Variants in CIAO3 observed in about 807,000 individuals in gnomAD.
CIAO3 encodes the protein cytosolic iron-sulfur assembly component 3.
CIAO3 carries 45 observed loss-of-function variants against 51.5 expected under a neutral mutation model. That is an observed-to-expected ratio of 0.87 (90% CI 0.69 to 1.12). The LOEUF (loss-of-function observed/expected upper bound fraction) is 1.12, where lower values mean the gene tolerates loss of function less well. CIAO3 is among the 50% of genes most tolerant of loss of function. CIAO3 has a pLI of 0.00. For missense variants in CIAO3, 668 were observed against 632.5 expected (o/e 1.06, Z -0.60); for synonymous variants, 314 against 269.3 (o/e 1.17, Z -1.63).
In CIAO3 at chr16:736,306, T is replaced by A. The variant is rs546077789; in HGVS notation, c.399A>T (p.Thr133=). The A allele has an allele frequency of 5.0e-6, 8 of 1,612,920 alleles. No homozygotes were observed. In the African/African-American group the frequency reaches 9.3e-5, roughly 19 times the overall value. ...SLAARFQLNP[T]DTARKLTSFF... is the part of the protein sequence containing the mutation. The stretch of plus-strand genomic sequence containing the variant: ...ATGAGGTTAATTTCCTGGCAGTATC[T>A]GTAGGATTCAGCTGAAACCGTGCAG... Residue 133 remains threonine (T), a synonymous_variant, in exon 4 of 11, where the codon ACA becomes ACT. Transcript: ENST00000251588.
At chr16:730,699 G>A (rs1253507852) in intron 10 of CIAO3, 44 bp from the exon 11 acceptor site, 2 of 1,590,992 alleles carry the variant, frequency 1.3e-6, no homozygotes, top group Non-Finnish European at 1.7e-6. Context: ...CTGCGCCCCA[G>A]CCAAGCTTCC....
chr16:733,957 G>A, intron 6 of CIAO3: 1 of 461,952 alleles, frequency 2.2e-6, no homozygotes, highest in South Asian at 2.1e-5. Context: ...GGAGGGGTGG[G>A]CTCCAGGCCC....
chr16:730,708 C>T, intron 10 of CIAO3, 53 bp from the exon 11 acceptor site: 1 of 1,589,398 alleles, frequency 6.3e-7, no homozygotes, highest in Admixed American at 1.7e-5. Context: ...AGCCAAGCTT[C>T]CTGACCACCA....
Position 737,633 on chromosome 16 carries a change from C to G in CIAO3, c.163-304G>C. The G allele has an allele frequency of 7.3e-7, 1 of 1,366,964 alleles. No homozygotes were observed. The highest frequency in any genetic ancestry group is 1.2e-5 in the South Asian group (1 of 81,686). 84.7% of individuals were successfully genotyped at this position (1,366,964 alleles called of 1,614,324 possible). Reference sequence around the variant, plus strand: ...CCCCACTCACCCATGGGGCCCTGGACGGGGTGCTGGCCCCGGTGCACACTC... The same window carrying G: ...CCCCACTCACCCATGGGGCCCTGGAGGGGGTGCTGGCCCCGGTGCACACTC... On this transcript the variant is annotated intron_variant, in intron 2 of 10. Transcript: ENST00000251588. The surrounding 1 kb of genome is among the most constrained non-coding windows in gnomAD (Gnocchi z 5.3).
chr16:734,508 G>A (rs1434554139), intron 5 of CIAO3, 161 bp from the exon 6 acceptor site: 14 of 864,364 alleles, frequency 1.6e-5, no homozygotes, highest in East Asian at 2.6e-5. Context: ...CGCGGAGCTC[G>A]GCGTGCAGGC....
chr16:730,725 A>G, intron 10 of CIAO3, 70 bp from the exon 11 acceptor site: 1 of 1,581,434 alleles, frequency 6.3e-7, no homozygotes, highest in Non-Finnish European at 8.6e-7. Flanking sequence ...ACCAGGGAGC[A>G]GGGAGGTGAC....
intron 10 of CIAO3, 82 bp from the exon 11 acceptor site, chr16:730,737 G>A (rs954297526): frequency 2.3e-5 from 36 of 1,579,090 alleles, no homozygotes; most frequent in African/African-American, 9.4e-5. Context: ...GGAGGTGACC[G>A]GGCCCCCTCT....
At chr16:740,104 C>A (rs1448271790) in intron 1 of CIAO3, 2 of 1,320,008 alleles carry the variant, frequency 1.5e-6, no homozygotes, top group Non-Finnish European at 2.0e-6. Flanking sequence ...GTGCTTGGAT[C>A]TGTTTGGAGA....
chr16:732,484 C>T (rs1449501816), intron 7 of CIAO3, 111 bp from the exon 8 acceptor site: 1 of 1,223,410 alleles, frequency 8.2e-7, no homozygotes, highest in Non-Finnish European at 1.2e-6. Context: ...CCCCAGAAGG[C>T]CCCAAATGTC....
intron 1 of CIAO3, 147 bp downstream of exon 1, chr16:740,773 G>T: frequency 1.4e-6 from 1 of 740,600 alleles, no homozygotes; most frequent in Non-Finnish European, 2.1e-6. Flanking sequence ...CCCCGCGCCC[G>T]GGTCGATAGA....
chr16:731,661 C>G lies in CIAO3; in HGVS notation c.938G>C (p.Gly313Ala). The change falls in exon 9 of 11, where the codon GGA (glycine) becomes GCA (alanine). Residue 313 changes from glycine to alanine, a missense_variant. Physicochemically the swap from Gly to Ala is moderately conservative, Grantham distance 60. Coordinates refer to ENST00000251588, the MANE Select transcript of CIAO3 (RefSeq NM_022493.3). Reference sequence around the variant, plus strand: ...CTCCAGGTAGCCCCCCGAGCCCCCTCCCCGATGGCTGGTGGGCTCCTCTGC... The same window carrying G: ...CTCCAGGTAGCCCCCCGAGCCCCCTGCCCGATGGCTGGTGGGCTCCTCTGC... ...ASAEEPTSHR[G>A]GGSGGYLEHV... The G allele has an allele frequency of 6.4e-7, 1 of 1,557,898 alleles. No homozygotes were observed. The highest frequency in any genetic ancestry group is 1.2e-5 in the South Asian group (1 of 84,770).
At chr16:739,903 CTCTCACCCAGGGATCGG>C (rs2041374730) in intron 1 of CIAO3, 165 bp from the exon 2 acceptor site, 2 of 1,241,610 alleles carry the variant, frequency 1.6e-6, no homozygotes, top group Non-Finnish European at 2.3e-6. Context: ...TGCCCCACTG[CTCTCACCCAGGGATCGG>C]GTTCCCAACA....
In CIAO3 at chr16:729,821, C is replaced by T. The variant is rs1307211601; in HGVS notation, c.*596G>A. On this transcript the variant is annotated 3_prime_UTR_variant, in exon 11 of 11. Transcript: ENST00000251588. Reference sequence around the variant, plus strand: ...CGCTGGGAGACAGGCCTGGTGGGGACCTGGCTGGGGGATGATGCAGCCCGC... The same window carrying T: ...CGCTGGGAGACAGGCCTGGTGGGGATCTGGCTGGGGGATGATGCAGCCCGC... The T allele has an allele frequency of 1.2e-6, 1 of 863,514 alleles. No individual in the cohort carries two copies. Among genetic ancestry groups the T allele is most frequent in the African/African-American group, 1.7e-5 (1 of 57,156 alleles). The allele number at this position is 863,514 out of a possible 1,614,324, so 53.5% of individuals were successfully genotyped here.
chr16:740,065 C>T (rs2041376114), intron 1 of CIAO3: 1 of 1,373,304 alleles, frequency 7.3e-7, no homozygotes, highest in Non-Finnish European at 9.6e-7. Flanking sequence ...CCACAGAGAC[C>T]AGAGTTGCAC....
chr16:733,494 A>T, intron 6 of CIAO3, 67 bp from the exon 7 acceptor site: 1 of 1,604,054 alleles, frequency 6.2e-7, no homozygotes, highest in Non-Finnish European at 8.5e-7. Context: ...GGGACCTGGA[A>T]CTCAGCCATC....
At chr16:734,378 G>T in intron 5 of CIAO3, 31 bp from the exon 6 acceptor site, 1 of 1,518,390 alleles carries the variant, frequency 6.6e-7, no homozygotes, top group South Asian at 1.1e-5. Context: ...CGGGGCTGGC[G>T]GGGGCGCACG....
intron 6 of CIAO3, chr16:733,636 C>A (rs992959602): frequency 1.5e-6 from 1 of 664,612 alleles, no homozygotes; most frequent in African/African-American, 1.8e-5. Flanking sequence ...TGACCCATTC[C>A]CAGTGTGCCT....
At position 730,243 on chromosome 16, in the gene CIAO3, C is replaced by G; in HGVS notation, c.*174G>C. ...CAGAGCCAGTGGGAACCCAGAGGCA[C>G]CCAACTGGAGGTGACGAGGCGGCTG... On this transcript the variant is annotated 3_prime_UTR_variant, in exon 11 of 11. Transcript: ENST00000251588. 1.5e-6 allele frequency: 1 copy of G among 659,144 alleles called. No homozygotes were observed. The highest frequency in any genetic ancestry group is 2.6e-6 in the Non-Finnish European group (1 of 388,580). 40.8% of individuals were successfully genotyped at this position (659,144 alleles called of 1,614,324 possible). A position where few individuals can be genotyped will look rare whatever the true frequency, so the allele number is the denominator to read the frequency against.
intron 2 of CIAO3, chr16:739,238 G>C (rs923320573): frequency 5.4e-6 from 1 of 183,686 alleles, no homozygotes; most frequent in African/African-American, 2.4e-5. Context: ...GGCAGAGCTT[G>C]CAGTGAGCCG....
Sources: allele counts gnomAD v4.1 joint callset, GRCh38; gene constraint gnomAD v4.1.1; non-coding constraint Gnocchi (gnomAD v3.1); transcripts MANE v1.5; gene names NCBI Gene and HGNC (gene_info 2026-07-23, HGNC 2026-07-21).